The following SPSB3 variants were observed in gnomAD, a reference collection of about 807,000 sequenced individuals.
The protein encoded by SPSB3 is SPRY domain-containing SOCS box protein 3.
SPSB3 carries 18 observed loss-of-function variants against 29.5 expected under a neutral mutation model. That is an observed-to-expected ratio of 0.61 (90% CI 0.42 to 0.91). SPSB3 has a LOEUF of 0.91. Among genes scored for constraint, SPSB3 ranks in the 40% least tolerant of loss-of-function variants. SPSB3 has a pLI of 0.00. For missense variants in SPSB3, 540 were observed against 507.5 expected (o/e 1.06, Z -0.61); for synonymous variants, 299 against 214.1 (o/e 1.40, Z -3.46).
rs556287767 is a variant in SPSB3, at chr16:1,777,144, T to C, written c.1021A>G (p.Ser341Gly). 6.2e-7 allele frequency: 1 copy of C among 1,611,762 alleles called. No individual in the cohort carries two copies. The highest frequency in any genetic ancestry group is 8.5e-7 in the Non-Finnish European group (1 of 1,179,822). Residue 341 changes from serine (S) to glycine (G), a missense_variant, in exon 7 of 7, where the codon AGT becomes GGT. Physicochemically the swap from Ser to Gly is moderately conservative, Grantham distance 56. Coordinates refer to ENST00000566339, the MANE Select transcript of SPSB3 (RefSeq NM_080861.4). Reference sequence around the variant, plus strand: ...CTCTGGCAGGGCCGAGGCTCGCGACTGCTGGGGTGGGCGGAGGTCGCTGCC... The same window carrying C: ...CTCTGGCAGGGCCGAGGCTCGCGACCGCTGGGGTGGGCGGAGGTCGCTGCC... ...PQAATSAHPS[S>G]REPRPCQRKR...
At chr16:1,778,817 G>A (rs893960605) in intron 2 of SPSB3, 24 of 508,658 alleles carry the variant, frequency 4.7e-5, no homozygotes, top group Non-Finnish European at 7.0e-5. Flanking sequence ...ATGACCAGGA[G>A]GGCCCTGGAG....
At chr16:1,780,428 G>C (rs934058221) in intron 2 of SPSB3, 1 of 152,390 alleles carries the variant, frequency 6.6e-6, no homozygotes, top group African/African-American at 2.4e-5. Flanking sequence ...CTGCCAAGGT[G>C]GGGGTCAGGG....
chr16:1,777,927 C>T lies in SPSB3; in HGVS notation c.595+19G>A. 6.2e-7 allele frequency: 1 copy of T among 1,612,352 alleles called. No homozygotes were observed. Among genetic ancestry groups the T allele is most frequent in the African/African-American group, 1.3e-5 (1 of 75,040 alleles). On this transcript the variant is annotated intron_variant, in intron 5 of 6. Coordinates refer to ENST00000566339, the MANE Select transcript of SPSB3 (RefSeq NM_080861.4). Reference sequence around the variant, plus strand: ...GGGAGCTCCAGGCTCGGCCCCGCCCCACCCTGGGCCTCACGCACCCGTGTA... The same window carrying T: ...GGGAGCTCCAGGCTCGGCCCCGCCCTACCCTGGGCCTCACGCACCCGTGTA...
Position 1,778,479 on chromosome 16 carries a change from G to A in SPSB3, c.260C>T (p.Ser87Leu), listed in dbSNP as rs150535227. The change falls in exon 3 of 7, where the codon TCG (serine) becomes TTG (leucine). Residue 87 changes from serine to leucine, a missense_variant. By Grantham distance (145) the Ser-to-Leu change is moderately radical. Transcript: ENST00000566339. Reference protein sequence around the residue: ...SEASFCSSLHSAHRGRDCRCG... With the variant: ...SEASFCSSLHLAHRGRDCRCG... ...GCGGCAGTCCCTGCCCCGGTGGGCC[G>A]AGTGCAGGCTGCTACAGAAGGAGGC... The A allele has an allele frequency of 3.8e-5, 62 of 1,611,532 alleles. No individual in the cohort carries two copies. The highest frequency in any genetic ancestry group is 2.7e-4 in the African/African-American group (20 of 74,912).
chr16:1,776,727 A>G lies in SPSB3; in HGVS notation c.*370T>C, dbSNP rs2042718363. 5 of 335,784 alleles carry G rather than the reference A, an allele frequency of 1.5e-5. No homozygotes were observed. The South Asian group carries it at 2.3e-4, about 16-fold the overall frequency. The allele number at this position is 335,784 out of a possible 1,614,324, so 20.8% of individuals were successfully genotyped here. ...TCACGCCATGTGGGTGTTAGACATC[A>G]ACTCTACATTTATTGCAGTCCTTTA... On this transcript the variant is annotated 3_prime_UTR_variant, in exon 7 of 7. Coordinates refer to ENST00000566339, the MANE Select transcript of SPSB3 (RefSeq NM_080861.4).
At position 1,781,441 on chromosome 16, in the gene SPSB3, G is replaced by C; in HGVS notation, c.43C>G (p.Leu15Val). Residue 15 changes from leucine (L) to valine (V), a missense_variant, in exon 2 of 7, where the codon CTG becomes GTG. Leu to Val is a conservative substitution (Grantham distance 32). Coordinates refer to ENST00000566339, the MANE Select transcript of SPSB3 (RefSeq NM_080861.4). The part of the protein sequence containing the change: ...PRNSRAWHFV[L>V]SAARRDADAR... ...TCTGCGTCTCGGCGGGCTGCACTCA[G>C]GACGAAGTGCCAGGCCCTGCTGTTC... 2 of 1,612,812 alleles carry C rather than the reference G, an allele frequency of 1.2e-6. No homozygotes were observed. The highest frequency in any genetic ancestry group is 2.2e-5 in the South Asian group (2 of 91,074).
At position 1,777,141 on chromosome 16, in the gene SPSB3, G is replaced by A. The variant is rs146172097; in HGVS notation, c.1024C>T (p.Arg342Cys). The change falls in exon 7 of 7, where the codon CGC (arginine) becomes TGC (cysteine). Residue 342 changes from arginine (R) to cysteine (C), a missense_variant. By Grantham distance (180) the Arg-to-Cys change is radical (BLOSUM62 -3). Coordinates refer to ENST00000566339, the MANE Select transcript of SPSB3 (RefSeq NM_080861.4). ...QAATSAHPSS[R>C]EPRPCQRKRC... ...TTCCTCTGGCAGGGCCGAGGCTCGC[G>A]ACTGCTGGGGTGGGCGGAGGTCGCT... 2.4e-5 allele frequency: 39 copies of A among 1,611,612 alleles called. 1 individual carries two copies. The highest frequency in any genetic ancestry group is 1.7e-4 in the Middle Eastern group (1 of 6,054).
In SPSB3 at chr16:1,778,039, T is replaced by C. The variant is rs768377399; in HGVS notation, c.502A>G (p.Ile168Val). The part of the protein sequence containing the change: ...PVYGTDMMVG[I>V]GTSDVDLDKY... ...TCCAGGTCCACATCCGACGTCCCGA[T>C]GCCCACCATCTAGGAACAGGGGCCA... Residue 168 changes from isoleucine (I) to valine (V), a missense_variant, in exon 5 of 7, where the codon ATC becomes GTC. Transcript: ENST00000566339. 3.7e-6 allele frequency: 6 copies of C among 1,613,078 alleles called. No individual in the cohort carries two copies. The highest frequency in any genetic ancestry group is 3.3e-5 in the Admixed American group (2 of 60,004).
At position 1,777,016 on chromosome 16, in the gene SPSB3, C is replaced by G. The variant is rs1435576711; in HGVS notation, c.*81G>C. ...CATCCAACTCCGCCCTGGAGTGTGG[C>G]TGGAAGGAAGGGACAGAGAAAGAAG... On this transcript the variant is annotated 3_prime_UTR_variant, in exon 7 of 7. Transcript: ENST00000566339. The G allele has an allele frequency of 6.7e-7, 1 of 1,495,540 alleles. No individual in the cohort carries two copies. Among genetic ancestry groups the G allele is most frequent in the Non-Finnish European group, 9.1e-7 (1 of 1,104,468 alleles). 92.6% of individuals were successfully genotyped at this position (1,495,540 alleles called of 1,614,324 possible). A position where few individuals can be genotyped will look rare whatever the true frequency, so the allele number is the denominator to read the frequency against.
intron 1 of SPSB3, 131 bp from the exon 2 acceptor site, chr16:1,781,626 G>GAAC (rs1309374186): frequency 1.2e-4 from 116 of 966,060 alleles, no homozygotes; most frequent in Non-Finnish European, 1.6e-4. Flanking sequence ...CAGGGCTCCA[G>GAAC]AACGCTTCAG....
intron 2 of SPSB3, 184 bp downstream of exon 2, chr16:1,781,174 C>A: frequency 6.5e-7 from 1 of 1,533,886 alleles, no homozygotes; most frequent in Non-Finnish European, 8.7e-7. Context: ...GTGTCCTTTG[C>A]CAAATTAAAG....
rs765708572 is a variant in SPSB3, at chr16:1,778,071, G to A, written c.493-23C>T. On this transcript the variant is annotated intron_variant, in intron 4 of 6. Transcript: ENST00000566339. ...CATCTAGGAACAGGGGCCAGGCAGA[G>A]GGCGCGGGGCTGGGCTGCCGGAGCC... 9 of 1,613,004 alleles carry A rather than the reference G, an allele frequency of 5.6e-6. No homozygotes were observed. In the Admixed American group the frequency reaches 8.3e-5, roughly 15 times the overall value.
Position 1,778,650 on chromosome 16 carries a change from G to A in SPSB3, c.127-38C>T, listed in dbSNP as rs201852854. 6.8e-5 allele frequency: 104 copies of A among 1,519,088 alleles called. No homozygotes were observed. In the East Asian group the frequency reaches 7.7e-4, roughly 11 times the overall value. The allele number at this position is 1,519,088 out of a possible 1,614,324, so 94.1% of individuals were successfully genotyped here. ...GGCCGGCTGTTACTACCTGTTGCCC[G>A]CTCTCTACCCTCTCACCCTTGCCCT... is the stretch of plus-strand genomic sequence containing the variant. On this transcript the variant is annotated intron_variant, in intron 2 of 6. Transcript: ENST00000566339.
Position 1,777,219 on chromosome 16 carries a change from C to T in SPSB3, c.946G>A (p.Val316Ile), listed in dbSNP as rs1247331835. Residue 316 changes from valine (V) to isoleucine (I), a missense_variant, in exon 7 of 7, where the codon GTC becomes ATC. Coordinates refer to ENST00000566339, the MANE Select transcript of SPSB3 (RefSeq NM_080861.4). ...CGGCGGCTGCAACTCATGCTCAGGA[C>T]CCAGCCCAGCTTGTTGTGTAGCACC... Reference protein sequence around the residue: ...KQVLHNKLGWVLSMSCSRRKA... With the variant: ...KQVLHNKLGWILSMSCSRRKA... 1.2e-6 allele frequency: 2 copies of T among 1,610,608 alleles called. No individual in the cohort carries two copies. Among genetic ancestry groups the T allele is most frequent in the African/African-American group, 2.7e-5 (2 of 74,928 alleles).
chr16:1,777,556 G>A (rs889612354), intron 6 of SPSB3, 113 bp from the exon 7 acceptor site: 37 of 1,355,596 alleles, frequency 2.7e-5, no homozygotes, highest in Non-Finnish European at 3.4e-5. Context: ...CACAGCTGAG[G>A]CAAGGCAGGG....
At chr16:1,781,571 G>A (rs1896713852) in intron 1 of SPSB3, 76 bp from the exon 2 acceptor site, 2 of 1,518,040 alleles carry the variant, frequency 1.3e-6, no homozygotes, top group African/African-American at 2.8e-5. Flanking sequence ...CTGGGCCACG[G>A]ACCCACTCAA....
At chr16:1,781,105 G>A (rs1049132885) in intron 2 of SPSB3, 25 of 1,390,354 alleles carry the variant, frequency 1.8e-5, no homozygotes, top group East Asian at 1.1e-4. Context: ...TGTTTCAGAG[G>A]AGAAAGCACA....
In SPSB3 at chr16:1,777,317, T is replaced by C. The variant is rs1187629767; in HGVS notation, c.848A>G (p.His283Arg). ...GTCTGGCCGCAGCTGGCGCAGGCGGTGGCAGCACAGGTACTGGAGGGAAGT... is the reference window on the plus strand; with the variant it reads ...GTCTGGCCGCAGCTGGCGCAGGCGGCGGCAGCACAGGTACTGGAGGGAAGT... Reference protein sequence around the residue: ...SATSLQYLCCHRLRQLRPDSG... With the variant: ...SATSLQYLCCRRLRQLRPDSG... The change falls in exon 7 of 7, where the codon CAC becomes CGC. Residue 283 changes from histidine (H) to arginine (R), a missense_variant. By Grantham distance (29) the His-to-Arg change is conservative. Transcript: ENST00000566339. 3 of 1,609,574 alleles carry C rather than the reference T, an allele frequency of 1.9e-6. No individual in the cohort carries two copies. The highest frequency in any genetic ancestry group is 2.5e-6 in the Non-Finnish European group (3 of 1,179,632).
rs2042731546 is a variant in SPSB3, at chr16:1,777,471, C to T, written c.722-28G>A. The T allele has an allele frequency of 2.0e-6, 3 of 1,467,718 alleles. No homozygotes were observed. The East Asian group carries it at 7.4e-5, about 36-fold the overall frequency. The allele number at this position is 1,467,718 out of a possible 1,614,324, so 90.9% of individuals were successfully genotyped here. ...GGAAGGGAGGGGCCCAGCCTGAACC[C>T]CAGGCAGGGAAGGGGCCAGCTACTG... is the stretch of plus-strand genomic sequence containing the variant. On this transcript the variant is annotated intron_variant, in intron 6 of 6. Coordinates refer to ENST00000566339, the MANE Select transcript of SPSB3 (RefSeq NM_080861.4).
Sources: allele counts gnomAD v4.1 joint callset, GRCh38; gene constraint gnomAD v4.1.1; transcripts MANE v1.5; gene names NCBI Gene and HGNC (gene_info 2026-07-23, HGNC 2026-07-21).